Variants in SNTG1 observed in about 807,000 individuals in gnomAD.
SNTG1 encodes syntrophin gamma 1, also known as gamma-1-syntrophin.
A neutral mutation model predicts 74.7 loss-of-function variants in SNTG1; 39 were observed. That is an observed-to-expected ratio of 0.52 (90% CI 0.40 to 0.68). The LOEUF (loss-of-function observed/expected upper bound fraction) is 0.68, where lower values mean the gene tolerates loss of function less well. SNTG1 is among the 30% of genes least tolerant of loss of function. SNTG1 has a pLI of 0.00. For synonymous variants in SNTG1, 254 were observed against 217.1 expected (o/e 1.17, Z -1.49); for missense variants, 685 against 609.5 (o/e 1.12, Z -1.30).
intron 2 of SNTG1, among the ~76,000 whole-genome samples, chr8:50,172,870 G>A (rs2082861390): frequency 6.6e-6 from 1 of 151,698 alleles, no homozygotes; most frequent in South Asian, 2.1e-4. Context: ...ATTTTGATGT[G>A]TCTTTCCACA....
chr8:50,570,585 A>ATTG (rs151244285), intron 12 of SNTG1, among the ~76,000 whole-genome samples: 19,895 of 126,932 alleles, frequency 0.16, 2,327 homozygotes, highest in African/African-American at 0.31. Context: ...TATTATTATT[A>ATTG]TTGTTGTTAT....
intron 18 of SNTG1, among the ~76,000 whole-genome samples, chr8:50,753,318 G>A (rs1405228889): frequency 1.3e-5 from 2 of 151,858 alleles, no homozygotes; most frequent in East Asian, 3.9e-4. Context: ...CATTACTCTT[G>A]TCAAATTTTT....
At chr8:49,978,249 G>A (rs1812367369) in intron 1 of SNTG1, among the ~76,000 whole-genome samples, 1 of 151,086 alleles carries the variant, frequency 6.6e-6, no homozygotes, top group Non-Finnish European at 1.5e-5. Context: ...GAGAGAGGGA[G>A]AGAGAGAGAG....
intron 13 of SNTG1, among the ~76,000 whole-genome samples, chr8:50,628,340 G>A (rs761483603): frequency 6.6e-6 from 1 of 152,042 alleles, no homozygotes; most frequent in Non-Finnish European, 1.5e-5. Context: ...CTTGAAACAA[G>A]ATGTGTTCAT....
chr8:50,764,561 T>C (rs2095608738), intron 18 of SNTG1, among the ~76,000 whole-genome samples: 1 of 151,854 alleles, frequency 6.6e-6, no homozygotes, highest in Admixed American at 6.6e-5. Context: ...TTAGGAAAAT[T>C]AGAAACTCAA....
At position 50,762,464 on chromosome 8, in the gene SNTG1, G is replaced by A. The variant is rs1305114865; in HGVS notation, c.1395+10353G>A. 11 of 324,796 alleles carry A rather than the reference G, an allele frequency of 3.4e-5. No individual in the cohort carries two copies. In the East Asian group the frequency reaches 8.3e-4, roughly 25 times the overall value. The allele number at this position is 324,796 out of a possible 1,614,324, so 20.1% of individuals were successfully genotyped here. A position where few individuals can be genotyped will look rare whatever the true frequency, so the allele number is the denominator to read the frequency against. On this transcript the variant is annotated intron_variant, in intron 18 of 18. Transcript: ENST00000642720. The stretch of plus-strand genomic sequence containing the variant: ...AAAAACTCACGGGACATTCTGTTTT[G>A]TAATAAATAAGGCAGTGGCCAACTC...
chr8:50,240,730 C>G (rs2129652431), intron 2 of SNTG1, among the ~76,000 whole-genome samples: 1 of 152,120 alleles, frequency 6.6e-6, no homozygotes, highest in Non-Finnish European at 1.5e-5. Flanking sequence ...ATTCCCTCAC[C>G]CATAAGTACT....
chr8:50,407,837 T>G (rs1261143466), intron 4 of SNTG1, among the ~76,000 whole-genome samples: 1 of 152,156 alleles, frequency 6.6e-6, no homozygotes, highest in Non-Finnish European at 1.5e-5. Flanking sequence ...TGGAGTGGGT[T>G]GTACTGACTG....
intron 2 of SNTG1, among the ~76,000 whole-genome samples, chr8:50,191,858 A>G (rs955946725): frequency 6.6e-6 from 1 of 152,116 alleles, no homozygotes; most frequent in Non-Finnish European, 1.5e-5. Context: ...ATATTGTCTC[A>G]GTTAGCCTAT....
Position 50,093,767 on chromosome 8 carries a change from G to A in SNTG1, c.-102-78794G>A, listed in dbSNP as rs539257580. On this transcript the variant is annotated intron_variant, in intron 1 of 18. Coordinates refer to ENST00000642720, the MANE Select transcript of SNTG1 (RefSeq NM_018967.5). Reference sequence around the variant, plus strand: ...ATTGTGAAAAGTCCACATCCATGGAGGAGTTTGGGATTTTATCTGAAGGTA... The same window carrying A: ...ATTGTGAAAAGTCCACATCCATGGAAGAGTTTGGGATTTTATCTGAAGGTA... 4.6e-5 allele frequency among the ~76,000 whole-genome samples: 7 copies of A among 152,262 alleles called. No individual in the cohort carries two copies. The East Asian group carries it at 1.2e-3, about 25-fold the overall frequency.
chr8:50,167,212 T>A (rs1364672193), intron 1 of SNTG1, among the ~76,000 whole-genome samples: 1 of 146,686 alleles, frequency 6.8e-6, no homozygotes, highest in South Asian at 2.2e-4. Flanking sequence ...GCATGGCACA[T>A]GTATACATAT....
At chr8:49,968,314 TC>T (rs377033783) in intron 1 of SNTG1, among the ~76,000 whole-genome samples, 5 of 152,032 alleles carry the variant, frequency 3.3e-5, no homozygotes, top group African/African-American at 1.2e-4. Flanking sequence ...CACCTTCTCT[TC>T]CCCCCCAATT....
chr8:50,225,546 A>G (rs1444029101), intron 2 of SNTG1, among the ~76,000 whole-genome samples: 1 of 152,116 alleles, frequency 6.6e-6, no homozygotes, highest in East Asian at 1.9e-4. Context: ...TTGTCTCCCT[A>G]AAATGTATAG....
chr8:49,961,396 AT>A (rs1810671365), intron 1 of SNTG1, among the ~76,000 whole-genome samples: 1 of 152,186 alleles, frequency 6.6e-6, no homozygotes, highest in Admixed American at 6.5e-5. Context: ...AAAAAGAATA[AT>A]TGGTGCTTTC....
chr8:50,596,668 C>G (rs1293585828), intron 13 of SNTG1, among the ~76,000 whole-genome samples: 1 of 151,992 alleles, frequency 6.6e-6, no homozygotes. Context: ...AAATACAAAA[C>G]CGTCTTGAAT....
At chr8:50,062,986 T>A (rs16914234) in intron 1 of SNTG1, among the ~76,000 whole-genome samples, 16,681 of 152,256 alleles carry the variant, frequency 0.11, 2,332 homozygotes, top group African/African-American at 0.32. Context: ...GACTTAGATT[T>A]AATCCTCCTA....
intron 2 of SNTG1, 138 bp from the exon 3 acceptor site, chr8:50,394,070 ACCCT>A (rs2092697269): frequency 5.6e-6 from 3 of 540,356 alleles, no homozygotes; most frequent in Non-Finnish European, 9.8e-6. Flanking sequence ...TCTTCAGTAT[ACCCT>A]GGAGCTCTTG....
chr8:49,991,002 G>A (rs1014283441), intron 1 of SNTG1, among the ~76,000 whole-genome samples: 2 of 152,042 alleles, frequency 1.3e-5, no homozygotes, highest in African/African-American at 4.8e-5. Context: ...GAATCAAAGG[G>A]CAGCCTAGAA....
intron 1 of SNTG1, among the ~76,000 whole-genome samples, chr8:50,026,589 A>G (rs1817282033): frequency 6.6e-6 from 1 of 152,170 alleles, no homozygotes; most frequent in Non-Finnish European, 1.5e-5. Context: ...GGATGGTTCA[A>G]CAGAAACCCA....
Sources: gnomAD v4.1 joint callset for allele counts (sites outside exome capture counted in the v4.1 genomes callset) on GRCh38, gnomAD v4.1.1 for gene constraint, MANE v1.5 for transcripts, NCBI Gene and HGNC (gene_info 2026-07-23, HGNC 2026-07-21) for gene names.